The following PLAC8L1 variants were observed in gnomAD, a reference collection of about 807,000 sequenced individuals.
The protein encoded by PLAC8L1 is PLAC8 like 1, also known as PLAC8-like protein 1.
In PLAC8L1, 13 loss-of-function variants were observed where a neutral mutation model predicts 16.3. That is an observed-to-expected ratio of 0.80 (90% CI 0.52 to 1.27). The LOEUF (loss-of-function observed/expected upper bound fraction) is 1.27, where lower values mean the gene tolerates loss of function less well. Among genes scored for constraint, PLAC8L1 ranks in the 50% most tolerant of loss-of-function variants. The pLI is 0.00. For synonymous variants in PLAC8L1, 78 were observed against 79.3 expected, an observed-to-expected ratio of 0.98 and a Z score of 0.09; for missense variants, 184 against 220.2, an observed-to-expected ratio of 0.84 and a Z score of 1.04.
intron 3 of PLAC8L1, 38 bp downstream of exon 3, chr5:146,085,423 A>C (rs1763492378): frequency 2.5e-6 from 4 of 1,581,916 alleles, no homozygotes; most frequent in Non-Finnish European, 3.4e-6. Context: ...AGGTTTTCAT[A>C]CAGATTCGGG....
chr5:146,084,816 G>C (rs923386840), intron 3 of PLAC8L1, among the ~76,000 whole-genome samples: 3 of 152,180 alleles, frequency 2.0e-5, no homozygotes, highest in Admixed American at 6.6e-5. Context: ...TTGAACCACT[G>C]ATTTCTCTAT....
chr5:146,096,115 G>C (rs778136943), intron 2 of PLAC8L1, among the ~76,000 whole-genome samples: 2 of 152,196 alleles, frequency 1.3e-5, no homozygotes, highest in Middle Eastern at 6.8e-3. Context: ...TGGGGGGTCC[G>C]AGGGAAAAAT....
intron 2 of PLAC8L1, among the ~76,000 whole-genome samples, chr5:146,091,506 A>G (rs1016755899): frequency 1.2e-4 from 18 of 152,206 alleles, no homozygotes; most frequent in African/African-American, 4.1e-4. Flanking sequence ...ATATAGAGAA[A>G]TATAGAGAAA....
chr5:146,085,791 C>T (rs1167914367), intron 2 of PLAC8L1, among the ~76,000 whole-genome samples, 194 bp from the exon 3 acceptor site: 2 of 152,192 alleles, frequency 1.3e-5, no homozygotes, highest in Non-Finnish European at 2.9e-5. Flanking sequence ...TCAAAATTGC[C>T]TTCTTTTGTT....
chr5:146,086,715 C>T (rs2024056), intron 2 of PLAC8L1, among the ~76,000 whole-genome samples: 60,791 of 151,898 alleles, frequency 0.4, 12,781 homozygotes, highest in African/African-American at 0.51. Context: ...CATGTATCCA[C>T]TGAAAATTAT....
chr5:146,084,747 T>C (rs974749555), intron 3 of PLAC8L1, among the ~76,000 whole-genome samples, 175 bp from the exon 4 acceptor site: 1 of 152,238 alleles, frequency 6.6e-6, no homozygotes, highest in Non-Finnish European at 1.5e-5. Flanking sequence ...GCTGAATTGC[T>C]AATCAATGCC....
chr5:146,087,469 T>C (rs1302581520), intron 2 of PLAC8L1, among the ~76,000 whole-genome samples: 1 of 152,234 alleles, frequency 6.6e-6, no homozygotes, highest in Non-Finnish European at 1.5e-5. Context: ...ATTTGTACCA[T>C]TTTAAACTCC....
In PLAC8L1 at chr5:146,085,471, T is replaced by C. The variant is rs754865712; in HGVS notation, c.383A>G (p.His128Arg). ...FALRIGTRER[H>R]KIQGTLCEDW... ...TTCAAACACACTTACCTGTATTTTATGTCTCTCCCTGGTGCCAATTCTCAG... is the reference window on the plus strand; with the variant it reads ...TTCAAACACACTTACCTGTATTTTACGTCTCTCCCTGGTGCCAATTCTCAG... The change falls in exon 3 of 4, where the codon CAT becomes CGT. Residue 128 changes from histidine to arginine, a missense_variant. Physicochemically the swap from His to Arg is conservative, Grantham distance 29. Coordinates refer to ENST00000311450, the MANE Select transcript of PLAC8L1 (RefSeq NM_001029869.3). The C allele has an allele frequency of 6.2e-7, 1 of 1,614,142 alleles. No individual in the cohort carries two copies. The highest frequency in any genetic ancestry group is 2.2e-5 in the East Asian group (1 of 44,888).
At chr5:146,098,367 C>T (rs950760395) in intron 1 of PLAC8L1, 75 bp from the exon 2 acceptor site, 13 of 1,496,450 alleles carry the variant, frequency 8.7e-6, no homozygotes, top group South Asian at 1.3e-5. Context: ...CAAGTCAGAA[C>T]CATAAAGAAG....
intron 1 of PLAC8L1, among the ~76,000 whole-genome samples, chr5:146,101,852 A>G (rs985130360): frequency 1.2e-4 from 19 of 152,160 alleles, no homozygotes; most frequent in African/African-American, 4.1e-4. Flanking sequence ...AAGAGCTTCA[A>G]TCGTCTTTTA....
intron 2 of PLAC8L1, among the ~76,000 whole-genome samples, chr5:146,091,029 G>A (rs1322322235): frequency 6.6e-6 from 1 of 151,672 alleles, no homozygotes; most frequent in Non-Finnish European, 1.5e-5. Flanking sequence ...ACTCCAGCCC[G>A]AGCGACAAGA....
At chr5:146,095,169 G>A (rs1365837842) in intron 2 of PLAC8L1, among the ~76,000 whole-genome samples, 1 of 152,122 alleles carries the variant, frequency 6.6e-6, no homozygotes, top group African/African-American at 2.4e-5. Context: ...AAAACACTAT[G>A]AGCAGTCACA....
In PLAC8L1 at chr5:146,104,340, C is replaced by T. The variant is rs1763874806; in HGVS notation, c.-29G>A. 6.5e-7 allele frequency: 1 copy of T among 1,549,376 alleles called. No individual in the cohort carries two copies. Among genetic ancestry groups the T allele is most frequent in the Non-Finnish European group, 8.9e-7 (1 of 1,121,816 alleles). On this transcript the variant is annotated 5_prime_UTR_variant, in exon 1 of 4. Transcript: ENST00000311450. ...GAGAAGTGTTTTCTTGTCCTTTGGG[C>T]TATCCTTTTTCCCTTTGGCAATAAG...
intron 1 of PLAC8L1, among the ~76,000 whole-genome samples, chr5:146,103,419 A>G (rs1358521224): frequency 3.9e-5 from 6 of 152,042 alleles, no homozygotes; most frequent in Admixed American, 3.9e-4. Context: ...TCAGCCTCCC[A>G]AAGTGCTAAG....
chr5:146,095,308 T>C (rs1276630134), intron 2 of PLAC8L1, among the ~76,000 whole-genome samples: 1 of 152,156 alleles, frequency 6.6e-6, no homozygotes, highest in Non-Finnish European at 1.5e-5. Context: ...CCATATCCTT[T>C]TTCCTCCCCT....
intron 2 of PLAC8L1, 58 bp from the exon 3 acceptor site, chr5:146,085,655 A>G: frequency 6.5e-7 from 1 of 1,549,210 alleles, no homozygotes; most frequent in Non-Finnish European, 8.8e-7. Context: ...GCAACTTCAC[A>G]TCTCAAAGAA....
In PLAC8L1 at chr5:146,104,868, T is replaced by C. The variant is rs1242340789; in HGVS notation, c.-557A>G. On this transcript the variant is annotated 5_prime_UTR_variant, in exon 1 of 4. Coordinates refer to ENST00000311450, the MANE Select transcript of PLAC8L1 (RefSeq NM_001029869.3). ...CTCAAGTTTGAGCTATGGTAGATTG[T>C]CACAAGCCTCAAAGCCTTTTCAGAA... The C allele has an allele frequency of 1.3e-5, 2 of 152,382 alleles. No homozygotes were observed. The highest frequency in any genetic ancestry group is 4.8e-5 in the African/African-American group (2 of 41,470). The allele number at this position is 152,382 out of a possible 1,614,324, so 9.4% of individuals were successfully genotyped here.
chr5:146,103,745 G>A (rs1202944096), intron 1 of PLAC8L1: 2 of 985,302 alleles, frequency 2.0e-6, no homozygotes, highest in Non-Finnish European at 2.4e-6. Context: ...GCCCTACCAT[G>A]TCTCCCACAT....
In PLAC8L1 at chr5:146,085,453, A is replaced by G; in HGVS notation, c.393+8T>C. The G allele has an allele frequency of 6.2e-7, 1 of 1,613,446 alleles. No homozygotes were observed. The highest frequency in any genetic ancestry group is 8.5e-7 in the Non-Finnish European group (1 of 1,179,690). On this transcript the variant is annotated splice_region_variant and intron_variant, in intron 3 of 3. Transcript: ENST00000311450. ...TTCGGGTTCACGTATACCTTCAAAC[A>G]CACTTACCTGTATTTTATGTCTCTC...
Sources: gnomAD v4.1 joint callset for allele counts (sites outside exome capture counted in the v4.1 genomes callset) on GRCh38, gnomAD v4.1.1 for gene constraint, MANE v1.5 for transcripts, NCBI Gene and HGNC (gene_info 2026-07-23, HGNC 2026-07-21) for gene names.